The following TBC1D2B variants were observed in gnomAD, a reference collection of about 807,000 sequenced individuals.
TBC1D2B encodes the protein TBC1 domain family member 2B.
Under a neutral mutation model 100.8 loss-of-function variants are expected in TBC1D2B, and 64 were observed. The ratio of observed to expected loss-of-function variants is 0.64; its 90% confidence interval spans 0.52 to 0.78. The LOEUF (loss-of-function observed/expected upper bound fraction) is 0.78. TBC1D2B is among the 30% of genes least tolerant of loss of function. TBC1D2B has a pLI of 0.00. For missense variants in TBC1D2B, 1,052 were observed against 1,218.4 expected (o/e 0.86, Z 2.03); for synonymous variants, 480 against 479.7 (o/e 1.00, Z -0.01).
At chr15:78,010,964 G>A (rs1474427495) in intron 9 of TBC1D2B, among the ~76,000 whole-genome samples, 1 of 152,144 alleles carries the variant, frequency 6.6e-6, no homozygotes, top group African/African-American at 2.4e-5. Context: ...GAGCATTACT[G>A]TACCCCAAAC....
intron 2 of TBC1D2B, among the ~76,000 whole-genome samples, chr15:78,049,146 A>G (rs943277475): frequency 6.6e-6 from 1 of 152,190 alleles, no homozygotes; most frequent in African/African-American, 2.4e-5. Flanking sequence ...GACATAGCAT[A>G]CATCTAAGTA....
chr15:78,028,641 G>A (rs986820584), intron 4 of TBC1D2B, among the ~76,000 whole-genome samples: 1 of 152,206 alleles, frequency 6.6e-6, no homozygotes, highest in East Asian at 1.9e-4. Flanking sequence ...CGATACGATA[G>A]GAAGCACGCA....
intron 1 of TBC1D2B, among the ~76,000 whole-genome samples, chr15:78,067,175 A>G (rs542630645): frequency 6.6e-6 from 1 of 152,336 alleles, no homozygotes; most frequent in East Asian, 1.9e-4. Context: ...TAGGGTAGCT[A>G]GCTGTGGGAC....
intron 1 of TBC1D2B, among the ~76,000 whole-genome samples, chr15:78,071,614 A>G (rs1230331247): frequency 6.6e-6 from 1 of 152,202 alleles, no homozygotes; most frequent in Non-Finnish European, 1.5e-5. Context: ...GATGTCTGTT[A>G]AATTCAGTGG....
intron 3 of TBC1D2B, among the ~76,000 whole-genome samples, chr15:78,031,677 C>T (rs796865708): frequency 6.7e-6 from 1 of 149,512 alleles, no homozygotes; most frequent in African/African-American, 2.4e-5. Context: ...AATCAATATA[C>T]TTGTCTGTGT....
At position 78,024,479 on chromosome 15, in the gene TBC1D2B, T is replaced by C; in HGVS notation, c.1147A>G (p.Ser383Gly). The change falls in exon 6 of 13, where the codon AGC becomes GGC. Residue 383 changes from serine (S) to glycine (G), a missense_variant. Physicochemically the swap from Ser to Gly is moderately conservative, Grantham distance 56. This residue lies in a region of TBC1D2B where 627 missense variants were observed against 646.1 expected (regional missense o/e 0.97). Transcript: ENST00000300584. ...RSSQYDKYFT[S>G]SRLCEGVPKD... ...GGGACCCCCTCACAGAGCCGGCTGC[T>C]TGTGAAATACTTGTCATACTGGGAT... is the stretch of plus-strand genomic sequence containing the variant. The C allele has an allele frequency of 6.2e-7, 1 of 1,614,002 alleles. No homozygotes were observed. The highest frequency in any genetic ancestry group is 8.5e-7 in the Non-Finnish European group (1 of 1,179,884).
chr15:78,032,022 G>C (rs1294665084), intron 3 of TBC1D2B, among the ~76,000 whole-genome samples: 1 of 152,218 alleles, frequency 6.6e-6, no homozygotes, highest in Admixed American at 6.5e-5. Flanking sequence ...GCAGCTCATA[G>C]AGCAGAGTAC....
rs149431164 is a variant in TBC1D2B at position 78,052,868 on chromosome 15, C to T, written c.514+1166G>A. On this transcript the variant is annotated intron_variant, in intron 2 of 12. Coordinates refer to ENST00000300584, the MANE Select transcript of TBC1D2B (RefSeq NM_144572.2). Reference sequence around the variant, plus strand: ...CAAAACAACTCAGTTAACAGTGACTCGACTCTGAACGAAACATAAGGGCGC... The same window carrying T: ...CAAAACAACTCAGTTAACAGTGACTTGACTCTGAACGAAACATAAGGGCGC... Among the ~76,000 whole-genome samples the T allele has an allele frequency of 3.5e-3, 531 of 152,200 alleles. 1 individual carries two copies. The highest frequency in any genetic ancestry group is 5.8e-3 in the Non-Finnish European group (395 of 68,028).
chr15:78,061,245 AAAAAC>A (rs528251012), intron 1 of TBC1D2B, among the ~76,000 whole-genome samples: 3 of 151,116 alleles, frequency 2.0e-5, no homozygotes, highest in African/African-American at 7.3e-5. Context: ...ACTCCATATC[AAAAAC>A]AAAACAAAAG....
At chr15:78,072,519 C>T (rs949305159) in intron 1 of TBC1D2B, among the ~76,000 whole-genome samples, 5 of 152,172 alleles carry the variant, frequency 3.3e-5, no homozygotes, top group African/African-American at 1.2e-4. Flanking sequence ...TTACCCAAGC[C>T]GACAAATGTT....
At chr15:78,074,868 C>CA (rs1567038049) in intron 1 of TBC1D2B, among the ~76,000 whole-genome samples, 8 of 152,200 alleles carry the variant, frequency 5.3e-5, no homozygotes, top group African/African-American at 1.9e-4. Flanking sequence ...TTTACTACTG[C>CA]ATAATATTCC....
chr15:78,024,114 G>A, intron 6 of TBC1D2B, 42 bp downstream of exon 6: 1 of 1,562,746 alleles, frequency 6.4e-7, no homozygotes, highest in Non-Finnish European at 8.7e-7. Flanking sequence ...TGACATCGGT[G>A]GTCTCTCATG....
At position 78,017,758 on chromosome 15, in the gene TBC1D2B, G is replaced by T. The variant is rs1416935475; in HGVS notation, c.1581+89C>A. 5.1e-6 allele frequency: 4 copies of T among 786,044 alleles called. No individual in the cohort carries two copies. The African/African-American group carries it at 7.1e-5, about 14-fold the overall frequency. The allele number at this position is 786,044 out of a possible 1,614,324, so 48.7% of individuals were successfully genotyped here. A position where few individuals can be genotyped will look rare whatever the true frequency, so the allele number is the denominator to read the frequency against. Reference sequence around the variant, plus strand: ...TAACCACATCTCTCCAAGCCTGGGAGTTGAACCGCTTTGTAAAGCATGCTT... The same window carrying T: ...TAACCACATCTCTCCAAGCCTGGGATTTGAACCGCTTTGTAAAGCATGCTT... On this transcript the variant is annotated intron_variant, in intron 7 of 12. Transcript: ENST00000300584.
Position 78,013,095 on chromosome 15 carries a change from C to G in TBC1D2B, c.1998G>C (p.Glu666Asp). The G allele has an allele frequency of 6.2e-7, 1 of 1,614,006 alleles. No individual in the cohort carries two copies. ...KNLIRAGIPH[E>D]HRSKVWKWCV... The stretch of plus-strand genomic sequence containing the variant: ...ACCACTTCCACACCTTGGAACGGTG[C>G]TCGTGGGGAATGCCCGCACGGATGA... The change falls in exon 9 of 13, where the codon GAG becomes GAC. Residue 666 changes from glutamate to aspartate, a missense_variant. Physicochemically the swap from Glu to Asp is conservative, Grantham distance 45. Around this residue, in one of 4 missense-constraint regions of TBC1D2B, gnomAD observed 373 missense variants for 464.9 expected, o/e 0.80. Transcript: ENST00000300584.
intron 12 of TBC1D2B, 33 bp from the exon 13 acceptor site, chr15:77,998,388 A>G: frequency 6.5e-7 from 1 of 1,536,078 alleles, no homozygotes; most frequent in African/African-American, 1.4e-5. Context: ...CAAGAGAATC[A>G]GCGGCGCTCC....
intron 3 of TBC1D2B, among the ~76,000 whole-genome samples, chr15:78,038,178 AG>A (rs2072993650): frequency 6.6e-6 from 1 of 152,216 alleles, no homozygotes; most frequent in Non-Finnish European, 1.5e-5. Flanking sequence ...ACCCACCATG[AG>A]CCAGGCAGTG....
At chr15:78,071,933 G>C (rs901559824) in intron 1 of TBC1D2B, among the ~76,000 whole-genome samples, 2 of 152,198 alleles carry the variant, frequency 1.3e-5, no homozygotes, top group African/African-American at 2.4e-5. Context: ...CCTGGCGGGG[G>C]CCCTCTTCCT....
chr15:78,052,827 C>T (rs1479453263), intron 2 of TBC1D2B, among the ~76,000 whole-genome samples: 7 of 152,124 alleles, frequency 4.6e-5, no homozygotes, highest in Non-Finnish European at 1.0e-4. Flanking sequence ...GTGAAAAGCA[C>T]TATAAGAGTG....
chr15:78,065,976 T>G, intron 1 of TBC1D2B: 1 of 470,696 alleles, frequency 2.1e-6, no homozygotes, highest in South Asian at 1.5e-5. Flanking sequence ...CCTATATCAT[T>G]GTTACCCACT....
Sources: allele counts gnomAD v4.1 joint callset (sites outside exome capture counted in the v4.1 genomes callset), GRCh38; gene constraint gnomAD v4.1.1; regional missense constraint gnomAD v4.1.1; transcripts MANE v1.5; gene names NCBI Gene and HGNC (gene_info 2026-07-23, HGNC 2026-07-21).